UQCRFS1: variants seen among roughly 807,000 people sequenced by gnomAD.
UQCRFS1 encodes cytochrome b-c1 complex subunit Rieske, mitochondrial.
A neutral mutation model predicts 15.6 loss-of-function variants in UQCRFS1; 6 were observed. The observed-to-expected ratio is 0.38, with a 90% CI of 0.21 to 0.76. The LOEUF is 0.76. Ranked by LOEUF, UQCRFS1 falls within the 30% of genes least tolerant of loss-of-function variation. UQCRFS1 has a pLI of 0.44. For synonymous variants in UQCRFS1, 105 were observed against 154.3 expected (o/e 0.68, Z 2.37); for missense variants, 203 against 366.7 (o/e 0.55, Z 3.65).
chr19:29,212,375 GT>G (rs560671922), intron 1 of UQCRFS1, among the ~76,000 whole-genome samples: 1 of 101,698 alleles, frequency 9.8e-6, no homozygotes, highest in Admixed American at 1.0e-4. Context: ...CCTTGTGTAT[GT>G]TTTTTTTGTT....
chr19:29,208,293 G>T, intron 1 of UQCRFS1, 135 bp from the exon 2 acceptor site: 2 of 1,229,062 alleles, frequency 1.6e-6, no homozygotes, highest in Non-Finnish European at 2.2e-6. Context: ...CACTCACTGG[G>T]TCTCAGAAAT....
At chr19:29,209,671 C>T (rs896412144) in intron 1 of UQCRFS1, among the ~76,000 whole-genome samples, 1 of 152,106 alleles carries the variant, frequency 6.6e-6, no homozygotes, top group Admixed American at 6.5e-5. Context: ...GCTAACCTGC[C>T]AGTATATACT....
intron 1 of UQCRFS1, among the ~76,000 whole-genome samples, chr19:29,211,579 CT>C (rs1270558943): frequency 6.6e-6 from 1 of 152,184 alleles, no homozygotes; most frequent in Non-Finnish European, 1.5e-5. Flanking sequence ...TCTCTATGCC[CT>C]TAAGCCCAAG....
Position 29,207,048 on chromosome 19 carries a change from C to T in UQCRFS1, c.*500G>A, listed in dbSNP as rs1323290685. 1 of 155,414 alleles carries T rather than the reference C, an allele frequency of 6.4e-6. No individual in the cohort carries two copies. The highest frequency in any genetic ancestry group is 1.4e-5 in the Non-Finnish European group (1 of 70,324). 9.6% of individuals were successfully genotyped at this position (155,414 alleles called of 1,614,324 possible). ...GATTAGTGTTGAGATTATCACACGG[C>T]TTACACAGTAGGGAGGAAATGCATA... On this transcript the variant is annotated 3_prime_UTR_variant, in exon 2 of 2. Coordinates refer to ENST00000304863, the MANE Select transcript of UQCRFS1 (RefSeq NM_006003.3).
At position 29,212,345 on chromosome 19, in the gene UQCRFS1, T is replaced by C. The variant is rs527460264; in HGVS notation, c.214+560A>G. Among the ~76,000 whole-genome samples the C allele has an allele frequency of 3.3e-5, 5 of 152,016 alleles. No homozygotes were observed. The South Asian group carries it at 8.3e-4, about 25-fold the overall frequency. ...CCGTCCTTGACGACTGATTATGTTG[T>C]GACACTACACTGTAACTGACCTTGT... is the stretch of plus-strand genomic sequence containing the variant. On this transcript the variant is annotated intron_variant, in intron 1 of 1. Coordinates refer to ENST00000304863, the MANE Select transcript of UQCRFS1 (RefSeq NM_006003.3).
At chr19:29,208,957 T>C (rs756661593) in intron 1 of UQCRFS1, among the ~76,000 whole-genome samples, 1 of 149,030 alleles carries the variant, frequency 6.7e-6, no homozygotes, top group Non-Finnish European at 1.5e-5. Context: ...ATAGTTACTG[T>C]AAAAGTAGGG....
Position 29,208,100 on chromosome 19 carries a change from G to A in UQCRFS1, c.273C>T (p.Tyr91=), listed in dbSNP as rs1976611025. 1.9e-6 allele frequency: 3 copies of A among 1,614,112 alleles called. No homozygotes were observed. Among genetic ancestry groups the A allele is most frequent in the East Asian group, 2.2e-5 (1 of 44,882 alleles). ...TDIKVPDFSE[Y]RRLEVLDSTK... The stretch of plus-strand genomic sequence containing the variant: ...TACTATCTAAAACTTCAAGGCGGCG[G>A]TATTCAGAGAAGTCAGGCACCTTGA... Residue 91 remains tyrosine, a synonymous_variant, in exon 2 of 2, where the codon TAC becomes TAT. Coordinates refer to ENST00000304863, the MANE Select transcript of UQCRFS1 (RefSeq NM_006003.3).
Position 29,207,707 on chromosome 19 carries a change from A to G in UQCRFS1, c.666T>C (p.Cys222=). The G allele has an allele frequency of 6.2e-7, 1 of 1,614,000 alleles. No individual in the cohort carries two copies. Among genetic ancestry groups the G allele is most frequent in the Non-Finnish European group, 8.5e-7 (1 of 1,179,870 alleles). ...AATCTCCTGCATTTGCAATGGGTAC[A>G]CAGCCAAGATGAGTGCAAACACCTA... ...ILIGVCTHLG[C]VPIANAGDFG... Residue 222 remains cysteine (C), a synonymous_variant, in exon 2 of 2, where the codon TGT becomes TGC. Coordinates refer to ENST00000304863, the MANE Select transcript of UQCRFS1 (RefSeq NM_006003.3).
rs561560511 is a variant in UQCRFS1, at chr19:29,212,995, C to T, written c.124G>A (p.Val42Met). ...ATVPATPEQP[V>M]LDLKRPFLSR... ...AGGAAGGGCCGCTTCAGGTCCAACA[C>T]AGGCTGCTCCGGGGTGGCGGGCACC... Residue 42 changes from valine to methionine, a missense_variant, in exon 1 of 2, where the codon GTG (valine) becomes ATG (methionine). By Grantham distance (21) the Val-to-Met change is conservative. Transcript: ENST00000304863. 4.3e-6 allele frequency: 6 copies of T among 1,410,042 alleles called. No homozygotes were observed. The South Asian group carries it at 9.2e-5, about 22-fold the overall frequency. The allele number at this position is 1,410,042 out of a possible 1,614,324, so 87.3% of individuals were successfully genotyped here.
chr19:29,212,228 G>A (rs1208896621), intron 1 of UQCRFS1, among the ~76,000 whole-genome samples: 1 of 152,002 alleles, frequency 6.6e-6, no homozygotes. Flanking sequence ...TCAAATCCCT[G>A]CTACCACATG....
chr19:29,211,937 G>A (rs1377188145), intron 1 of UQCRFS1, among the ~76,000 whole-genome samples: 1 of 152,162 alleles, frequency 6.6e-6, no homozygotes, highest in Non-Finnish European at 1.5e-5. Context: ...CTCCAACTGC[G>A]GGGGCGGCCA....
Position 29,210,066 on chromosome 19 carries a change from A to C in UQCRFS1, c.215-1908T>G, listed in dbSNP as rs113684512. Among the ~76,000 whole-genome samples the C allele has an allele frequency of 1.7e-4, 26 of 152,376 alleles. 1 individual carries two copies. Among genetic ancestry groups the C allele is most frequent in the African/African-American group, 6.3e-4 (26 of 41,590 alleles). On this transcript the variant is annotated intron_variant, in intron 1 of 1. Transcript: ENST00000304863. ...TAATTCTAACCTAAAGCAAAATCAA[A>C]TACTTAAAGGAGAAAATTTAAGGAA...
chr19:29,208,677 CG>C (rs1467184127), intron 1 of UQCRFS1, among the ~76,000 whole-genome samples: 1 of 152,022 alleles, frequency 6.6e-6, no homozygotes, highest in East Asian at 1.9e-4. Flanking sequence ...TCTATGTTCT[CG>C]GAAAAAACTG....
chr19:29,208,422 T>G (rs1252342633), intron 1 of UQCRFS1, among the ~76,000 whole-genome samples: 3 of 152,238 alleles, frequency 2.0e-5, no homozygotes, highest in African/African-American at 7.2e-5. Flanking sequence ...CCCTAGTTGG[T>G]TGAACATTGC....
intron 1 of UQCRFS1, 64 bp downstream of exon 1, chr19:29,212,841 G>A (rs1777330620): frequency 4.5e-6 from 6 of 1,344,198 alleles, no homozygotes; most frequent in Non-Finnish European, 3.8e-6. Context: ...GCTCCCTGCT[G>A]GGGGCCGGAG....
Position 29,207,775 on chromosome 19 carries a change from G to T in UQCRFS1, c.598C>A (p.His200Asn). The T allele has an allele frequency of 2.5e-6, 4 of 1,614,030 alleles. No homozygotes were observed. The highest frequency in any genetic ancestry group is 3.4e-6 in the Non-Finnish European group (4 of 1,179,880). ...GGTTTCTTTACTCGATCTAGATCAT[G>T]CTGTGGGTCCCTCAACTGTGATAAT... ...VELSQLRDPQ[H>N]DLDRVKKPEW... The change falls in exon 2 of 2, where the codon CAT (histidine) becomes AAT (asparagine). Residue 200 changes from histidine to asparagine, a missense_variant. By Grantham distance (68) the His-to-Asn change is moderately conservative (BLOSUM62 1). Around this residue, in one of 3 missense-constraint regions of UQCRFS1, gnomAD observed 91 missense variants for 186.9 expected, o/e 0.49. Coordinates refer to ENST00000304863, the MANE Select transcript of UQCRFS1 (RefSeq NM_006003.3).
chr19:29,208,891 T>C (rs1976617748), intron 1 of UQCRFS1, among the ~76,000 whole-genome samples: 1 of 152,292 alleles, frequency 6.6e-6, no homozygotes, highest in South Asian at 2.1e-4. Context: ...TATTTCAATT[T>C]AGCAAGGGAA....
chr19:29,205,664 G>A lies in UQCRFS1; in HGVS notation c.*1884C>T, dbSNP rs79055321. ...ATGATCTGATGTCAGGGTGCTAGCTGGTCAGGTTTATTCTGTAAGTAATTT... is the reference window on the plus strand; with the variant it reads ...ATGATCTGATGTCAGGGTGCTAGCTAGTCAGGTTTATTCTGTAAGTAATTT... On this transcript the variant is annotated 3_prime_UTR_variant, in exon 2 of 2. Coordinates refer to ENST00000304863, the MANE Select transcript of UQCRFS1 (RefSeq NM_006003.3). The A allele has an allele frequency of 6.6e-6, 1 of 152,180 alleles. No individual in the cohort carries two copies. The highest frequency in any genetic ancestry group is 1.5e-5 in the Non-Finnish European group (1 of 68,042). The allele number at this position is 152,180 out of a possible 1,614,324, so 9.4% of individuals were successfully genotyped here.
At chr19:29,210,219 C>CCA (rs1371223480) in intron 1 of UQCRFS1, among the ~76,000 whole-genome samples, 1 of 152,208 alleles carries the variant, frequency 6.6e-6, no homozygotes, top group East Asian at 1.9e-4. Context: ...CTCCCATAAG[C>CCA]CATCCTGCCA....
Sources: allele counts gnomAD v4.1 joint callset (sites outside exome capture counted in the v4.1 genomes callset), GRCh38; gene constraint gnomAD v4.1.1; regional missense constraint gnomAD v4.1.1; transcripts MANE v1.5; gene names NCBI Gene and HGNC (gene_info 2026-07-23, HGNC 2026-07-21).